GDPD4: variants seen among roughly 807,000 people sequenced by gnomAD.
GDPD4 encodes glycerophosphodiester phosphodiesterase 6.
GDPD4 carries 60 observed loss-of-function variants against 67.8 expected under a neutral mutation model. The ratio of observed to expected loss-of-function variants is 0.88; its 90% CI spans 0.72 to 1.10. The LOEUF is 1.10. GDPD4 is among the 50% of genes least tolerant of loss of function. GDPD4 has a pLI of 0.00. For missense variants in GDPD4, 623 were observed against 613.9 expected, an observed-to-expected ratio of 1.01 and a Z score of -0.16; for synonymous variants, 212 against 210.9, an observed-to-expected ratio of 1.00 and a Z score of -0.04.
chr11:77,243,565 G>T, intron 13 of GDPD4, 129 bp downstream of exon 13: 1 of 778,198 alleles, frequency 1.3e-6, no homozygotes, highest in Non-Finnish European at 2.1e-6. Context: ...AAAAAGAAAG[G>T]AGATTCAAAG....
At chr11:77,219,075 T>C (rs1226772801) in intron 16 of GDPD4, among the ~76,000 whole-genome samples, 3 of 152,318 alleles carry the variant, frequency 2.0e-5, no homozygotes, top group Middle Eastern at 3.4e-3. Context: ...TTTTTAATGA[T>C]TGCCATTCTA....
intron 13 of GDPD4, among the ~76,000 whole-genome samples, chr11:77,237,275 T>A (rs1053601688): frequency 6.6e-6 from 1 of 152,232 alleles, no homozygotes; most frequent in African/African-American, 2.4e-5. Flanking sequence ...CTTGCTTTGT[T>A]TGAGCCTCTT....
intron 13 of GDPD4, among the ~76,000 whole-genome samples, chr11:77,241,754 C>T (rs2135840950): frequency 6.6e-6 from 1 of 151,096 alleles, no homozygotes; most frequent in Middle Eastern, 3.4e-3. Context: ...ACCATCCTGG[C>T]CAACATGGTG....
intron 3 of GDPD4, among the ~76,000 whole-genome samples, chr11:77,281,248 G>C (rs1204898025): frequency 2.0e-5 from 3 of 152,096 alleles, no homozygotes; most frequent in African/African-American, 7.2e-5. Context: ...TCTCACAGCT[G>C]TAAGATGCAG....
intron 1 of GDPD4, among the ~76,000 whole-genome samples, chr11:77,291,198 A>T (rs1224882258): frequency 6.6e-6 from 1 of 152,214 alleles, no homozygotes; most frequent in Admixed American, 6.5e-5. Context: ...TAAAAAGAAA[A>T]TGAAATTCTG....
chr11:77,284,281 ATTATT>A (rs1209798752), intron 3 of GDPD4, among the ~76,000 whole-genome samples: 2 of 152,214 alleles, frequency 1.3e-5, no homozygotes, highest in African/African-American at 2.4e-5. Flanking sequence ...TAAAATGTTT[ATTATT>A]TTAAGTGAAA....
chr11:77,241,893 T>A (rs11237143), intron 13 of GDPD4, among the ~76,000 whole-genome samples: 40,351 of 151,612 alleles, frequency 0.27, 6,359 homozygotes, highest in South Asian at 0.43. Context: ...AGATTGGGCC[T>A]TTGCACTCCA....
At chr11:77,286,605 A>G (rs1041296813) in intron 2 of GDPD4, among the ~76,000 whole-genome samples, 9 of 152,238 alleles carry the variant, frequency 5.9e-5, no homozygotes, top group African/African-American at 2.2e-4. Flanking sequence ...AAGTAAAGGT[A>G]CATGATTTTG....
rs563689074 is a variant in GDPD4 at position 77,254,121 on chromosome 11, C to T, written c.864+4265G>A. On this transcript the variant is annotated intron_variant, in intron 11 of 16. Transcript: ENST00000315938. The stretch of plus-strand genomic sequence containing the variant: ...CATTGCGCAGTAGCCATGTAGGCCA[C>T]GGGGCAGGCACAGCTGGCTCCTTCT... Among the ~76,000 whole-genome samples, 24 of 152,258 alleles carry T rather than the reference C, an allele frequency of 1.6e-4. 1 individual carries two copies. Among genetic ancestry groups the T allele is most frequent in the Admixed American group, 1.2e-3 (19 of 15,302 alleles).
intron 10 of GDPD4, among the ~76,000 whole-genome samples, chr11:77,261,274 G>A (rs2135862022): frequency 6.6e-6 from 1 of 150,914 alleles, no homozygotes; most frequent in South Asian, 2.1e-4. Context: ...ATCTTACTCT[G>A]TCACCCAGGC....
chr11:77,226,610 CA>C (rs914665221), intron 16 of GDPD4, among the ~76,000 whole-genome samples: 1 of 152,180 alleles, frequency 6.6e-6, no homozygotes, highest in African/African-American at 2.4e-5. Flanking sequence ...TCAAGCCACC[CA>C]GTCTATGGTA....
At chr11:77,259,917 C>T (rs1043408154) in intron 10 of GDPD4, among the ~76,000 whole-genome samples, 2 of 152,170 alleles carry the variant, frequency 1.3e-5, no homozygotes, top group Non-Finnish European at 2.9e-5. Flanking sequence ...CTAAGACAAT[C>T]GGAGCTTGCA....
chr11:77,227,882 T>C lies in GDPD4; in HGVS notation c.1507A>G (p.Thr503Ala), dbSNP rs1480655008. 2 of 1,612,918 alleles carry C rather than the reference T, an allele frequency of 1.2e-6. No homozygotes were observed. The change falls in exon 16 of 17, where the codon ACC becomes GCC. Residue 503 changes from threonine (T) to alanine (A), a missense_variant. Physicochemically the swap from Thr to Ala is moderately conservative, Grantham distance 58. Transcript: ENST00000315938. ...ACTTTACCTGTGCGAGTGCTGGAGG[T>C]TTCAAACAATTTTTCTTTTTCAGTC... Reference protein sequence around the residue: ...RETEKEKLFETSSTRTDTQSG... With the variant: ...RETEKEKLFEASSTRTDTQSG...
intron 11 of GDPD4, among the ~76,000 whole-genome samples, chr11:77,252,662 T>G (rs532007512): frequency 6.6e-6 from 1 of 152,306 alleles, no homozygotes; most frequent in Non-Finnish European, 1.5e-5. Context: ...GAGTGGCTTT[T>G]CTAGAGAAAG....
At chr11:77,217,827 CAAATT>C (rs1221433169) in intron 16 of GDPD4, among the ~76,000 whole-genome samples, 7 of 152,066 alleles carry the variant, frequency 4.6e-5, no homozygotes, top group Admixed American at 6.5e-5. Context: ...CTACCAAAGA[CAAATT>C]AAAAACTGGA....
intron 1 of GDPD4, among the ~76,000 whole-genome samples, chr11:77,288,051 G>A (rs770641059): frequency 2.6e-5 from 4 of 152,130 alleles, no homozygotes; most frequent in Non-Finnish European, 5.9e-5. Context: ...ACCACAACCT[G>A]CACCTGTGTA....
intron 5 of GDPD4, among the ~76,000 whole-genome samples, chr11:77,274,905 G>A (rs1187586226): frequency 6.6e-6 from 1 of 152,100 alleles, no homozygotes. Flanking sequence ...GGTCAGAGTG[G>A]GAGAAATGAA....
chr11:77,219,356 T>C (rs1204960762), intron 16 of GDPD4, among the ~76,000 whole-genome samples: 2 of 152,246 alleles, frequency 1.3e-5, no homozygotes, highest in Admixed American at 6.5e-5. Flanking sequence ...GATGGCAGTT[T>C]GTTTTGCTGT....
rs756018735 is a variant in GDPD4, at chr11:77,243,847, ATC to A, written c.1087-1_1087del. ...CCTATCATGAGCTGGCAACCAAAAA[ATC>A]TCTAAGGAGAAACAAGAAGTCCCTC... On this transcript the variant is annotated splice_acceptor_variant and coding_sequence_variant, in exon 13 of 17. Transcript: ENST00000315938. LOFTEE classifies it high-confidence loss of function. 3.1e-6 allele frequency: 5 copies of A among 1,612,382 alleles called. No homozygotes were observed. The African/African-American group carries it at 6.7e-5, about 22-fold the overall frequency.
Sources: allele counts gnomAD v4.1 joint callset (sites outside exome capture counted in the v4.1 genomes callset), GRCh38; gene constraint gnomAD v4.1.1; transcripts MANE v1.5; gene names NCBI Gene and HGNC (gene_info 2026-07-23, HGNC 2026-07-21).